Variants in DLG1 observed in about 807,000 individuals in gnomAD.
DLG1 encodes discs large MAGUK scaffold protein 1, also known as disks large homolog 1.
Under a neutral mutation model 123.4 loss-of-function variants are expected in DLG1, and 42 were observed. The ratio of observed to expected loss-of-function variants is 0.34; its 90% CI spans 0.27 to 0.44. The LOEUF is 0.44. DLG1 is among the 20% of genes least tolerant of loss of function. The pLI is 1.00. For missense variants in DLG1, 942 were observed against 1,082.6 expected (o/e 0.87, Z 1.82); for synonymous variants, 317 against 356.2 (o/e 0.89, Z 1.24).
At chr3:197,145,788 G>A (rs1790432930) in intron 6 of DLG1, among the ~76,000 whole-genome samples, 1 of 147,530 alleles carries the variant, frequency 6.8e-6, no homozygotes, top group Admixed American at 6.7e-5. Flanking sequence ...AGGTAGCACT[G>A]AGTACTTTAC....
chr3:197,140,061 T>C (rs1787217899), intron 8 of DLG1, 79 bp downstream of exon 8: 1 of 1,493,848 alleles, frequency 6.7e-7, no homozygotes, highest in African/African-American at 1.4e-5. Context: ...TTGTTATTTG[T>C]ATTTATCCCT....
chr3:197,270,263 G>A (rs548251438), intron 4 of DLG1, among the ~76,000 whole-genome samples: 185 of 152,192 alleles, frequency 1.2e-3, no homozygotes, highest in African/African-American at 4.2e-3. Context: ...CAAGTGATTC[G>A]TCTAGTCAAA....
At chr3:197,250,714 C>T (rs1753966955) in intron 4 of DLG1, among the ~76,000 whole-genome samples, 1 of 151,774 alleles carries the variant, frequency 6.6e-6, no homozygotes, top group African/African-American at 2.4e-5. Context: ...AAAACACTAA[C>T]TAAAGAAAAT....
At chr3:197,279,619 C>G (rs921043098) in intron 4 of DLG1, among the ~76,000 whole-genome samples, 14 of 152,258 alleles carry the variant, frequency 9.2e-5, no homozygotes, top group African/African-American at 3.1e-4. Context: ...CTCCTATTCC[C>G]TTGAGGTGCC....
At chr3:197,046,822 A>T (rs759603046) in intron 24 of DLG1, among the ~76,000 whole-genome samples, 1 of 152,150 alleles carries the variant, frequency 6.6e-6, no homozygotes, top group Non-Finnish European at 1.5e-5. Context: ...GTGAACTGAG[A>T]TCGCACCATT....
At chr3:197,136,292 ACT>A (rs757553141) in intron 10 of DLG1, 3 of 370,538 alleles carry the variant, frequency 8.1e-6, no homozygotes, top group Non-Finnish European at 1.5e-5. Context: ...ATGATGAAAC[ACT>A]CTGTGCATAC....
rs2149894843 is a variant in DLG1, at chr3:197,161,649, G to A, written c.484-11853C>T. 2 of 1,514,254 alleles carry A rather than the reference G, an allele frequency of 1.3e-6. No individual in the cohort carries two copies. Among genetic ancestry groups the A allele is most frequent in the Non-Finnish European group, 1.8e-6 (2 of 1,134,286 alleles). The allele number at this position is 1,514,254 out of a possible 1,614,324, so 93.8% of individuals were successfully genotyped here. A position where few individuals can be genotyped will look rare whatever the true frequency, so the allele number is the denominator to read the frequency against. ...AGAAACTAATAAAAACCTGTGGTAT[G>A]GTGGGTAGGATGACAGTATTCTCAG... On this transcript the variant is annotated intron_variant, in intron 5 of 24. Transcript: ENST00000667157.
intron 4 of DLG1, among the ~76,000 whole-genome samples, chr3:197,195,582 A>G (rs1722045539): frequency 6.6e-6 from 1 of 152,224 alleles, no homozygotes; most frequent in Non-Finnish European, 1.5e-5. Flanking sequence ...CTGTGGCAAC[A>G]TGGATACAAC....
At chr3:197,185,161 A>G (rs1185189183) in intron 5 of DLG1, among the ~76,000 whole-genome samples, 1 of 152,242 alleles carries the variant, frequency 6.6e-6, no homozygotes, top group Non-Finnish European at 1.5e-5. Flanking sequence ...CTAATTTTTA[A>G]GCTGATAAGA....
At chr3:197,195,207 TAAAGA>T (rs1486534417) in intron 4 of DLG1, among the ~76,000 whole-genome samples, 1 of 148,084 alleles carries the variant, frequency 6.8e-6, no homozygotes, top group Non-Finnish European at 1.5e-5. Context: ...AACCTACTCA[TAAAGA>T]AAAGACACAA....
intron 4 of DLG1, among the ~76,000 whole-genome samples, chr3:197,234,847 C>A (rs1477718654): frequency 1.3e-5 from 2 of 152,082 alleles, no homozygotes; most frequent in Non-Finnish European, 2.9e-5. Context: ...CATTGTATCT[C>A]CCTCATCCCA....
At chr3:197,051,547 T>G in intron 24 of DLG1, 30 bp downstream of exon 24, 3 of 1,586,518 alleles carry the variant, frequency 1.9e-6, no homozygotes, top group Non-Finnish European at 2.6e-6. Context: ...AATTCTATCT[T>G]AAAGAGGACT....
chr3:197,066,595 T>TAA (rs140259336), intron 20 of DLG1, 109 bp downstream of exon 20: 222 of 693,318 alleles, frequency 3.2e-4, no homozygotes, highest in South Asian at 7.7e-4. Flanking sequence ...GTATATGTAG[T>TAA]AAAAAAAAAT....
intron 23 of DLG1, among the ~76,000 whole-genome samples, chr3:197,053,963 A>G (rs979480239): frequency 1.3e-5 from 2 of 151,438 alleles, no homozygotes; most frequent in Non-Finnish European, 2.9e-5. Flanking sequence ...GTGGCGGTGC[A>G]TGTCTGTAGC....
At chr3:197,224,530 A>G (rs1320108461) in intron 4 of DLG1, among the ~76,000 whole-genome samples, 1 of 152,216 alleles carries the variant, frequency 6.6e-6, no homozygotes, top group African/African-American at 2.4e-5. Flanking sequence ...TATTTAAACA[A>G]TGCATATGAA....
chr3:197,195,144 G>A (rs1233281121), intron 4 of DLG1, among the ~76,000 whole-genome samples: 1 of 151,302 alleles, frequency 6.6e-6, no homozygotes, highest in African/African-American at 2.4e-5. Context: ...AAGGCCTATG[G>A]CATAAATAAA....
chr3:197,297,082 C>T (rs1251148134), intron 2 of DLG1, 104 bp downstream of exon 2: 21 of 1,223,738 alleles, frequency 1.7e-5, no homozygotes, highest in Non-Finnish European at 2.5e-5. Flanking sequence ...TAGGACCGTG[C>T]TGTCTCATCA....
chr3:197,237,240 A>G (rs969896026), intron 4 of DLG1, among the ~76,000 whole-genome samples: 1 of 152,232 alleles, frequency 6.6e-6, no homozygotes, highest in African/African-American at 2.4e-5. Flanking sequence ...TGAAAGGTGA[A>G]AAGAGGGTGG....
chr3:197,079,643 T>C (rs1269740383), intron 17 of DLG1, among the ~76,000 whole-genome samples: 2 of 152,332 alleles, frequency 1.3e-5, no homozygotes, highest in South Asian at 2.1e-4. Context: ...TTTAAAGATA[T>C]ACATAAAACA....
Sources: allele counts gnomAD v4.1 joint callset (sites outside exome capture counted in the v4.1 genomes callset), GRCh38; gene constraint gnomAD v4.1.1; transcripts MANE v1.5; gene names NCBI Gene and HGNC (gene_info 2026-07-23, HGNC 2026-07-21).